OPN1SW: variants seen among roughly 807,000 people sequenced by gnomAD.
OPN1SW encodes opsin 1, short wave sensitive.
OPN1SW carries 25 observed loss-of-function variants against 31.9 expected under a neutral mutation model. The ratio of observed to expected loss-of-function variants is 0.78; its 90% CI spans 0.57 to 1.09. OPN1SW has a LOEUF of 1.09. OPN1SW is among the 50% of genes least tolerant of loss of function. The pLI is 0.00. For missense variants in OPN1SW, 424 were observed against 448.0 expected (o/e 0.95, Z 0.48); for synonymous variants, 190 against 171.9 (o/e 1.11, Z -0.82).
Position 128,773,771 on chromosome 7 carries a change from C to T in OPN1SW, c.796G>A (p.Ala266Thr), listed in dbSNP as rs369667942. The T allele has an allele frequency of 7.4e-5, 120 of 1,614,010 alleles. No individual in the cohort carries two copies. Among genetic ancestry groups the T allele is most frequent in the Non-Finnish European group, 9.6e-5 (113 of 1,180,014 alleles). ...TTACGGTTGTTGACCATGTACATGG[C>T]GAAGGCCGCGTAGGGCACGTAGCAG... is the stretch of plus-strand genomic sequence containing the variant. Reference protein sequence around the residue: ...CVCYVPYAAFAMYMVNNRNHG... With the variant: ...CVCYVPYAAFTMYMVNNRNHG... The change falls in exon 4 of 5, where the codon GCC becomes ACC. Residue 266 changes from alanine to threonine, a missense_variant. Coordinates refer to ENST00000249389, the MANE Select transcript of OPN1SW (RefSeq NM_001385125.1).
chr7:128,774,973 C>T lies in OPN1SW; in HGVS notation c.512+13G>A. The T allele has an allele frequency of 6.2e-7, 1 of 1,613,852 alleles. No homozygotes were observed. Among genetic ancestry groups the T allele is most frequent in the South Asian group, 1.1e-5 (1 of 91,060 alleles). On this transcript the variant is annotated intron_variant, in intron 2 of 4. Transcript: ENST00000249389. ...CTCCTAGTTAACTCAGCACCACTGCCCTGCACTCTCACCGGCTCCAGCCAA... is the reference window on the plus strand; with the variant it reads ...CTCCTAGTTAACTCAGCACCACTGCTCTGCACTCTCACCGGCTCCAGCCAA...
chr7:128,774,032 C>A, intron 3 of OPN1SW, 144 bp from the exon 4 acceptor site: 1 of 1,162,860 alleles, frequency 8.6e-7, no homozygotes. Context: ...TGCAGTGGTG[C>A]AGTCTCGGCT....
chr7:128,773,834 T>C lies in OPN1SW; in HGVS notation c.733A>G (p.Ser245Gly). ...CCTACCATCACAACCACCATGCGGC[T>C]CACCTCCCGTTCAGCCTTCTGGGTC... Reference protein sequence around the residue: ...ATTQKAEREVSRMVVVMVGSF... With the variant: ...ATTQKAEREVGRMVVVMVGSF... Residue 245 changes from serine to glycine, a missense_variant, in exon 4 of 5, where the codon AGC (serine) becomes GGC (glycine). Coordinates refer to ENST00000249389, the MANE Select transcript of OPN1SW (RefSeq NM_001385125.1). 6.2e-7 allele frequency: 1 copy of C among 1,613,478 alleles called. No homozygotes were observed. The highest frequency in any genetic ancestry group is 2.2e-5 in the East Asian group (1 of 44,866).
At chr7:128,773,491 T>C (rs1253295067) in intron 4 of OPN1SW, among the ~76,000 whole-genome samples, 158 bp downstream of exon 4, 1 of 152,198 alleles carries the variant, frequency 6.6e-6, no homozygotes, top group Admixed American at 6.5e-5. Context: ...CCTTCCTCCC[T>C]GTGCTTACCA....
Position 128,775,762 on chromosome 7 carries a change from T to C in OPN1SW, c.20A>G (p.Tyr7Cys). ...CACTGAAGAGATATTTTTGAACAGATAAAACTCTTCCTCCGACATTTTTCT... is the reference window on the plus strand; with the variant it reads ...CACTGAAGAGATATTTTTGAACAGACAAAACTCTTCCTCCGACATTTTTCT... The part of the protein sequence containing the change: MSEEEF[Y>C]LFKNISSVGP... The change falls in exon 1 of 5, where the codon TAT (tyrosine) becomes TGT (cysteine). Residue 7 changes from tyrosine (Y) to cysteine (C), a missense_variant. Coordinates refer to ENST00000249389, the MANE Select transcript of OPN1SW (RefSeq NM_001385125.1). 1 of 1,614,078 alleles carries C rather than the reference T, an allele frequency of 6.2e-7. No homozygotes were observed. The highest frequency in any genetic ancestry group is 8.5e-7 in the Non-Finnish European group (1 of 1,179,990).
chr7:128,773,166 G>T (rs1316572513), intron 4 of OPN1SW, among the ~76,000 whole-genome samples: 1 of 152,226 alleles, frequency 6.6e-6, no homozygotes, highest in African/African-American at 2.4e-5. Flanking sequence ...TTTGCATGTG[G>T]TATGATTTCT....
chr7:128,775,701 A>G lies in OPN1SW; in HGVS notation c.81T>C (p.Pro27=), dbSNP rs775757978. 4 of 1,614,186 alleles carry G rather than the reference A, an allele frequency of 2.5e-6. No individual in the cohort carries two copies. The East Asian group carries it at 6.7e-5, about 27-fold the overall frequency. ...PWDGPQYHIA[P]VWAFYLQAAF... Reference sequence around the variant, plus strand: ...CTGCCTGGAGGTAGAAGGCCCAGACAGGGGCAATGTGGTACTGAGGCCCAT... The same window carrying G: ...CTGCCTGGAGGTAGAAGGCCCAGACGGGGGCAATGTGGTACTGAGGCCCAT... Residue 27 remains proline (P), a synonymous_variant, in exon 1 of 5, where the codon CCT becomes CCC. Coordinates refer to ENST00000249389, the MANE Select transcript of OPN1SW (RefSeq NM_001385125.1).
intron 3 of OPN1SW, 129 bp from the exon 4 acceptor site, chr7:128,774,017 G>A: frequency 7.8e-7 from 1 of 1,279,118 alleles, no homozygotes; most frequent in South Asian, 1.6e-5. Context: ...TGCCCAGGCT[G>A]GAGTTGCAGT....
chr7:128,774,226 T>C (rs530090242), intron 3 of OPN1SW, among the ~76,000 whole-genome samples: 7 of 152,188 alleles, frequency 4.6e-5, no homozygotes, highest in Admixed American at 1.3e-4. Context: ...CCCAAAGTGC[T>C]GGGATTATAG....
At chr7:128,774,896 C>A in intron 2 of OPN1SW, 90 bp downstream of exon 2, 1 of 1,550,738 alleles carries the variant, frequency 6.4e-7, no homozygotes, top group South Asian at 1.1e-5. Flanking sequence ...AAGTAGAGGT[C>A]AAAGACTAAA....
intron 3 of OPN1SW, 105 bp from the exon 4 acceptor site, chr7:128,773,993 G>A (rs73238105): frequency 0.064 from 89,054 of 1,388,216 alleles, 3,217 homozygotes; most frequent in Non-Finnish European, 0.07. Flanking sequence ...TTTTGAGACC[G>A]AGTCTCGCTC....
chr7:128,775,398 C>T (rs778295223), intron 1 of OPN1SW, 41 bp downstream of exon 1: 30 of 1,577,360 alleles, frequency 1.9e-5, no homozygotes, highest in Non-Finnish European at 2.3e-5. Flanking sequence ...AGTGGAGTAG[C>T]AACCTTTGCC....
intron 2 of OPN1SW, 64 bp from the exon 3 acceptor site, chr7:128,774,727 C>T: frequency 1.9e-6 from 3 of 1,604,484 alleles, no homozygotes; most frequent in Non-Finnish European, 2.6e-6. Flanking sequence ...GCTGAGATGC[C>T]TGGATTGTGT....
chr7:128,774,764 C>T lies in OPN1SW; in HGVS notation c.513-101G>A, dbSNP rs1002823775. Reference sequence around the variant, plus strand: ...CTCCACTTAGAACCCACGGAATGCCCTAAGGCTTCAAGCAGGGGGGTTTTC... The same window carrying T: ...CTCCACTTAGAACCCACGGAATGCCTTAAGGCTTCAAGCAGGGGGGTTTTC... On this transcript the variant is annotated intron_variant, in intron 2 of 4. Coordinates refer to ENST00000249389, the MANE Select transcript of OPN1SW (RefSeq NM_001385125.1). 80 of 1,531,428 alleles carry T rather than the reference C, an allele frequency of 5.2e-5. 3 individuals carry two copies. In the Admixed American group the frequency reaches 1.3e-3, roughly 25 times the overall value. The allele number at this position is 1,531,428 out of a possible 1,614,324, so 94.9% of individuals were successfully genotyped here. A position where few individuals can be genotyped will look rare whatever the true frequency, so the allele number is the denominator to read the frequency against.
intron 4 of OPN1SW, among the ~76,000 whole-genome samples, chr7:128,773,287 T>G (rs1353257377): frequency 6.6e-6 from 1 of 152,246 alleles, no homozygotes; most frequent in Non-Finnish European, 1.5e-5. Flanking sequence ...TTTTATTTTT[T>G]TAATTTTATT....
Position 128,775,151 on chromosome 7 carries a change from A to C in OPN1SW, c.347T>G (p.Leu116Arg). The C allele has an allele frequency of 6.2e-7, 1 of 1,614,032 alleles. No individual in the cohort carries two copies. Among genetic ancestry groups the C allele is most frequent in the East Asian group, 2.2e-5 (1 of 44,882 alleles). Residue 116 changes from leucine (L) to arginine (R), a missense_variant, in exon 2 of 5, where the codon CTG (leucine) becomes CGG (arginine). By Grantham distance (102) the Leu-to-Arg change is moderately radical. Coordinates refer to ENST00000249389, the MANE Select transcript of OPN1SW (RefSeq NM_001385125.1). ...LEGFLGTVAG[L>R]VTGWSLAFLA... Reference sequence around the variant, plus strand: ...GAAGGCCAGTGACCATCCTGTAACCAGACCTGTGGTGAAATGTGAGGATAA... The same window carrying C: ...GAAGGCCAGTGACCATCCTGTAACCCGACCTGTGGTGAAATGTGAGGATAA...
intron 2 of OPN1SW, 50 bp from the exon 3 acceptor site, chr7:128,774,713 G>T: frequency 6.2e-7 from 1 of 1,610,502 alleles, no homozygotes; most frequent in East Asian, 2.2e-5. Flanking sequence ...AGAGTGCAGT[G>T]GGAGCTGAGA....
In OPN1SW at chr7:128,775,124, A is replaced by T; in HGVS notation, c.374T>A (p.Leu125Gln). Reference sequence around the variant, plus strand: ...GATGACAATGTAGCGCTCAAAGGCCAGGAAGGCCAGTGACCATCCTGTAAC... The same window carrying T: ...GATGACAATGTAGCGCTCAAAGGCCTGGAAGGCCAGTGACCATCCTGTAAC... ...GLVTGWSLAF[L>Q]AFERYIVICK... The change falls in exon 2 of 5, where the codon CTG becomes CAG. Residue 125 changes from leucine to glutamine, a missense_variant. Physicochemically the swap from Leu to Gln is moderately radical, Grantham distance 113. Transcript: ENST00000249389. The T allele has an allele frequency of 6.2e-7, 1 of 1,614,246 alleles. No individual in the cohort carries two copies. Among genetic ancestry groups the T allele is most frequent in the Non-Finnish European group, 8.5e-7 (1 of 1,180,046 alleles).
intron 4 of OPN1SW, among the ~76,000 whole-genome samples, 172 bp downstream of exon 4, chr7:128,773,477 C>T (rs559293731): frequency 7.9e-5 from 12 of 152,068 alleles, no homozygotes; most frequent in Admixed American, 1.3e-4. Flanking sequence ...TCTTGATAAC[C>T]GTGCCTTCCT....
Sources: allele counts gnomAD v4.1 joint callset (sites outside exome capture counted in the v4.1 genomes callset), GRCh38; gene constraint gnomAD v4.1.1; transcripts MANE v1.5; gene names NCBI Gene and HGNC (gene_info 2026-07-23, HGNC 2026-07-21).